NLGN1: variants seen among roughly 807,000 people sequenced by gnomAD.
NLGN1 encodes neuroligin 1.
NLGN1 carries 12 observed loss-of-function variants against 65.5 expected under a neutral mutation model. The observed-to-expected ratio is 0.18, with a 90% CI of 0.12 to 0.30. NLGN1 has a LOEUF of 0.30. Ranked by LOEUF, NLGN1 falls within the 10% of genes least tolerant of loss-of-function variation. The pLI is 1.00. For synonymous variants in NLGN1, 350 were observed against 359.5 expected (o/e 0.97, Z 0.30); for missense variants, 750 against 1,007.1 (o/e 0.74, Z 3.46).
intron 3 of NLGN1, among the ~76,000 whole-genome samples, chr3:173,769,395 C>G (rs1779250188): frequency 6.6e-6 from 1 of 152,172 alleles, no homozygotes; most frequent in Non-Finnish European, 1.5e-5. Context: ...TACACTTCAT[C>G]TCCCAACATT....
chr3:173,943,712 A>G (rs1388949506), intron 4 of NLGN1, among the ~76,000 whole-genome samples: 2 of 152,150 alleles, frequency 1.3e-5, no homozygotes, highest in African/African-American at 2.4e-5. Context: ...CTTCCCTGCC[A>G]TTTTATTTTG....
At chr3:173,735,081 A>T (rs1003817299) in intron 3 of NLGN1, among the ~76,000 whole-genome samples, 8 of 152,104 alleles carry the variant, frequency 5.3e-5, no homozygotes, top group African/African-American at 1.9e-4. Flanking sequence ...TGAAGAAGGG[A>T]ATGAACTTCA....
intron 3 of NLGN1, among the ~76,000 whole-genome samples, chr3:173,675,756 C>T (rs913722509): frequency 2.0e-5 from 3 of 151,846 alleles, no homozygotes; most frequent in African/African-American, 7.3e-5. Context: ...GGTGATGGAA[C>T]TGTTTTGTAT....
chr3:174,088,510 A>C (rs1743855460), intron 4 of NLGN1, among the ~76,000 whole-genome samples: 1 of 152,104 alleles, frequency 6.6e-6, no homozygotes, highest in African/African-American at 2.4e-5. Context: ...TAATCCCAGC[A>C]CTTTGGGAGG....
chr3:173,955,817 G>A (rs1711873869), intron 4 of NLGN1, among the ~76,000 whole-genome samples: 1 of 151,822 alleles, frequency 6.6e-6, no homozygotes. Flanking sequence ...AAAGGACCTT[G>A]GAAATTTCTA....
chr3:173,587,027 A>G (rs998226306), intron 2 of NLGN1, among the ~76,000 whole-genome samples: 6 of 152,240 alleles, frequency 3.9e-5, no homozygotes, highest in African/African-American at 1.4e-4. Context: ...AAGCTAATAG[A>G]GAATATGGCT....
intron 3 of NLGN1, among the ~76,000 whole-genome samples, chr3:173,626,324 G>A (rs973763291): frequency 6.6e-5 from 10 of 152,006 alleles, no homozygotes; most frequent in Admixed American, 6.6e-5. Context: ...TCAAATATGA[G>A]TAAAATCTTA....
chr3:173,835,514 G>A (rs1180536410), intron 4 of NLGN1, among the ~76,000 whole-genome samples: 6 of 149,818 alleles, frequency 4.0e-5, no homozygotes, highest in African/African-American at 1.5e-4. Context: ...TAGAGATAAA[G>A]CATATATATT....
chr3:173,613,313 G>A (rs1024165727), intron 3 of NLGN1, among the ~76,000 whole-genome samples: 2 of 152,062 alleles, frequency 1.3e-5, no homozygotes. Flanking sequence ...GGAGTACTGA[G>A]ACTCCTATTC....
intron 4 of NLGN1, among the ~76,000 whole-genome samples, chr3:174,025,869 T>C (rs902313899): frequency 6.6e-6 from 1 of 152,218 alleles, no homozygotes; most frequent in Non-Finnish European, 1.5e-5. Flanking sequence ...AAAATTCTTA[T>C]ATTCACCAAG....
the NLGN1 span, among the ~76,000 whole-genome samples, chr3:174,294,270 A>T: frequency 1.3e-5 from 2 of 151,616 alleles, no homozygotes; most frequent in Admixed American, 6.6e-5. Context: ...TTTATATTAG[A>T]TGTATTCCTT....
intron 4 of NLGN1, among the ~76,000 whole-genome samples, chr3:173,833,833 A>G (rs918408259): frequency 2.6e-5 from 4 of 152,152 alleles, no homozygotes; most frequent in African/African-American, 7.2e-5. Context: ...GTTTTCTCCT[A>G]TAGGAGTTTA....
At chr3:173,871,298 A>G (rs925070179) in intron 4 of NLGN1, among the ~76,000 whole-genome samples, 1 of 152,204 alleles carries the variant, frequency 6.6e-6, no homozygotes, top group Non-Finnish European at 1.5e-5. Context: ...ATGTGGAAAA[A>G]AAGATGTATT....
chr3:174,107,137 C>G (rs1467523386), intron 4 of NLGN1, among the ~76,000 whole-genome samples: 1 of 151,626 alleles, frequency 6.6e-6, no homozygotes, highest in Admixed American at 6.6e-5. Flanking sequence ...TTGCCTTTAC[C>G]CGGTTTCACA....
intron 4 of NLGN1, among the ~76,000 whole-genome samples, chr3:174,239,696 CT>C (rs1455306250): frequency 6.6e-6 from 1 of 151,952 alleles, no homozygotes; most frequent in African/African-American, 2.4e-5. Flanking sequence ...ATTGTAAATG[CT>C]AAAAACTGAG....
At chr3:173,988,597 G>A (rs972312825) in intron 4 of NLGN1, among the ~76,000 whole-genome samples, 1 of 152,206 alleles carries the variant, frequency 6.6e-6, no homozygotes, top group South Asian at 2.1e-4. Flanking sequence ...GACTTCTAAG[G>A]AATACTGTTT....
At chr3:173,658,095 T>G (rs1252599849) in intron 3 of NLGN1, among the ~76,000 whole-genome samples, 2 of 151,934 alleles carry the variant, frequency 1.3e-5, no homozygotes, top group African/African-American at 4.8e-5. Flanking sequence ...TTAGAGAAAT[T>G]TAACAGGCAT....
intron 4 of NLGN1, among the ~76,000 whole-genome samples, chr3:174,027,755 A>G (rs1046416769): frequency 6.6e-6 from 1 of 152,152 alleles, no homozygotes; most frequent in African/African-American, 2.4e-5. Context: ...GAAATTAAAG[A>G]TGAGGGAATG....
Position 173,433,372 on chromosome 3 carries a change from C to G in NLGN1, c.-389-1638C>G, listed in dbSNP as rs908154138. The stretch of plus-strand genomic sequence containing the variant: ...CACAGTGTTCCCTCCCTGTCTGAAA[C>G]CTCTCCTCACAGTGCTCAGGCTCTG... On this transcript the variant is annotated intron_variant, in intron 1 of 6. Coordinates refer to ENST00000457714, the Ensembl canonical transcript of NLGN1. Among the ~76,000 whole-genome samples, 3 of 152,264 alleles carry G rather than the reference C, an allele frequency of 2.0e-5. No individual in the cohort carries two copies. In the Middle Eastern group the frequency reaches 0.01, roughly 518 times the overall value.
Sources: allele counts gnomAD v4.1 joint callset (sites outside exome capture counted in the v4.1 genomes callset), GRCh38; gene constraint gnomAD v4.1.1; transcripts MANE v1.5; gene names NCBI Gene and HGNC (gene_info 2026-07-23, HGNC 2026-07-21).